AMBRA1: variants seen among roughly 807,000 people sequenced by gnomAD.
AMBRA1 encodes the protein autophagy and beclin 1 regulator 1.
A neutral mutation model predicts 125.4 loss-of-function variants in AMBRA1; 47 were observed. The observed-to-expected ratio is 0.37, with a 90% CI of 0.30 to 0.48. The LOEUF (loss-of-function observed/expected upper bound fraction) is 0.48. Ranked by LOEUF, AMBRA1 falls within the 20% of genes least tolerant of loss-of-function variation. The pLI, the probability that AMBRA1 is intolerant of heterozygous loss-of-function variation, is 0.99. For missense variants in AMBRA1, 1,331 were observed against 1,693.4 expected (o/e 0.79, Z 3.76); for synonymous variants, 626 against 655.5 (o/e 0.95, Z 0.69).
chr11:46,486,410 T>C (rs775849254), intron 11 of AMBRA1, among the ~76,000 whole-genome samples: 30 of 152,234 alleles, frequency 2.0e-4, no homozygotes, highest in Non-Finnish European at 3.7e-4. Context: ...ATCTGCTATA[T>C]AGTGATTAAG....
At position 46,436,118 on chromosome 11, in the gene AMBRA1, G is replaced by A. The variant is rs1044844772; in HGVS notation, c.2633-1081C>T. Among the ~76,000 whole-genome samples the A allele has an allele frequency of 3.3e-5, 5 of 152,328 alleles. No individual in the cohort carries two copies. In the East Asian group the frequency reaches 7.7e-4, roughly 23 times the overall value. On this transcript the variant is annotated intron_variant, in intron 12 of 17. Coordinates refer to ENST00000683756, the MANE Select transcript of AMBRA1 (RefSeq NM_001387011.1). ...TTGAAGGAGATGTCCACTGTCAGAG[G>A]CATTGTGGTAATTTTTTAAAAGCCA...
In AMBRA1 at chr11:46,508,210, A is replaced by C. The variant is rs753774348; in HGVS notation, c.2320T>G (p.Leu774Val). 2.5e-6 allele frequency: 4 copies of C among 1,614,170 alleles called. No individual in the cohort carries two copies. The highest frequency in any genetic ancestry group is 3.4e-6 in the Non-Finnish European group (4 of 1,179,996). Reference sequence around the variant, plus strand: ...ACTTACTCAAAGTCCTCAAATTCCAAGTCGGTTCCCTCTACTGATGGACCC... The same window carrying C: ...ACTTACTCAAAGTCCTCAAATTCCACGTCGGTTCCCTCTACTGATGGACCC... ...NQGPSVEGTDLEFEDFEDNGD... is the reference protein window; with the variant it reads ...NQGPSVEGTDVEFEDFEDNGD... The change falls in exon 9 of 18, where the codon TTG becomes GTG. Residue 774 changes from leucine to valine, a missense_variant. This residue lies in a region of AMBRA1 where 689 missense variants were observed against 776.5 expected (regional missense o/e 0.89). Coordinates refer to ENST00000683756, the MANE Select transcript of AMBRA1 (RefSeq NM_001387011.1).
chr11:46,428,585 TCTTC>T lies in AMBRA1; in HGVS notation c.2976+4885_2976+4888del, dbSNP rs1014785204. On this transcript the variant is annotated intron_variant, in intron 14 of 17. Transcript: ENST00000683756. ...GAGGATCTTTTCCACTTCTTCTTCT[TCTTC>T]TTCTTTTTTTTTTAAGGTTTTTTGG... is the stretch of plus-strand genomic sequence containing the variant. 5.4e-5 allele frequency: 66 copies of T among 1,221,934 alleles called. No homozygotes were observed. The African/African-American group carries it at 7.6e-4, about 14-fold the overall frequency. 75.7% of individuals were successfully genotyped at this position (1,221,934 alleles called of 1,614,324 possible).
chr11:46,490,759 G>A (rs1161596448), intron 11 of AMBRA1, among the ~76,000 whole-genome samples: 1 of 152,146 alleles, frequency 6.6e-6, no homozygotes, highest in Admixed American at 6.5e-5. Context: ...TAACCACCTA[G>A]ACTTGGAGCT....
intron 11 of AMBRA1, among the ~76,000 whole-genome samples, chr11:46,482,976 TC>T (rs1352958620): frequency 2.1e-5 from 3 of 143,038 alleles, no homozygotes; most frequent in Non-Finnish European, 4.5e-5. Context: ...GCCATTGCAC[TC>T]CAGCCTGGGT....
intron 7 of AMBRA1, among the ~76,000 whole-genome samples, chr11:46,516,712 C>T (rs897132636): frequency 6.6e-6 from 1 of 152,082 alleles, no homozygotes; most frequent in Non-Finnish European, 1.5e-5. Flanking sequence ...GGATTACAGG[C>T]GTGACCCACT....
chr11:46,408,791 A>G, intron 16 of AMBRA1, 85 bp from the exon 17 acceptor site: 1 of 1,337,092 alleles, frequency 7.5e-7, no homozygotes, highest in East Asian at 2.6e-5. Context: ...GCCAATCCTC[A>G]GGGCAGTGTG....
intron 11 of AMBRA1, among the ~76,000 whole-genome samples, chr11:46,474,676 C>T (rs137870297): frequency 1.2e-3 from 186 of 152,302 alleles, no homozygotes; most frequent in African/African-American, 4.3e-3. Flanking sequence ...GCGTAAGCCA[C>T]GGCACCTGGC....
chr11:46,566,482 C>T (rs914354545), intron 1 of AMBRA1, among the ~76,000 whole-genome samples: 4 of 151,748 alleles, frequency 2.6e-5, no homozygotes, highest in African/African-American at 9.7e-5. Flanking sequence ...GAGAATTATG[C>T]TGAGTGAAAA....
At chr11:46,441,723 C>A (rs1291034536) in intron 12 of AMBRA1, among the ~76,000 whole-genome samples, 2 of 152,070 alleles carry the variant, frequency 1.3e-5, no homozygotes, top group Non-Finnish European at 2.9e-5. Context: ...CTGCCCTCCT[C>A]CACTGAAAGT....
chr11:46,542,653 T>C lies in AMBRA1; in HGVS notation c.1364A>G (p.Glu455Gly). 6.2e-7 allele frequency: 1 copy of C among 1,614,172 alleles called. No homozygotes were observed. The highest frequency in any genetic ancestry group is 8.5e-7 in the Non-Finnish European group (1 of 1,180,014). ...VSLLSVLRQQ[E>G]GGSQASVYTS... ...GTACACAGATGCCTGAGAGCCACCT[T>C]CCTGCTGTCTCAGCACAGACAGCAA... Residue 455 changes from glutamate (E) to glycine (G), a missense_variant, in exon 7 of 18, where the codon GAA (glutamate) becomes GGA (glycine). This residue lies in a region of AMBRA1 where 689 missense variants were observed against 776.5 expected (regional missense o/e 0.89). Transcript: ENST00000683756. This position sits in a 1 kb window ranked among gnomAD's most constrained non-coding sequence, Gnocchi z 5.9.
At chr11:46,539,221 T>A (rs1413691259) in intron 7 of AMBRA1, among the ~76,000 whole-genome samples, 1 of 152,106 alleles carries the variant, frequency 6.6e-6, no homozygotes, top group Non-Finnish European at 1.5e-5. Flanking sequence ...GTTTGAAGAT[T>A]TCCATAATAA....
intron 9 of AMBRA1, among the ~76,000 whole-genome samples, chr11:46,498,950 C>T (rs1300382485): frequency 6.6e-6 from 1 of 152,212 alleles, no homozygotes; most frequent in Admixed American, 6.5e-5. Flanking sequence ...AACTCATTTC[C>T]TTACTGGAGT....
At chr11:46,548,073 G>T (rs141721301) in intron 2 of AMBRA1, among the ~76,000 whole-genome samples, 173 bp downstream of exon 2, 1 of 152,178 alleles carries the variant, frequency 6.6e-6, no homozygotes, top group East Asian at 1.9e-4. Context: ...AAAGGAAAAA[G>T]ATATTTCTAG....
intron 12 of AMBRA1, among the ~76,000 whole-genome samples, chr11:46,438,600 C>T (rs1947844422): frequency 6.6e-6 from 1 of 152,172 alleles, no homozygotes; most frequent in Non-Finnish European, 1.5e-5. Flanking sequence ...TCTGAGCCCC[C>T]TGGATTTCAG....
chr11:46,517,490 T>G (rs1161140322), intron 7 of AMBRA1, among the ~76,000 whole-genome samples: 2 of 144,960 alleles, frequency 1.4e-5, no homozygotes, highest in Non-Finnish European at 3.0e-5. Context: ...TTTTTTTTTT[T>G]TTTTTTTAAG....
intron 4 of AMBRA1, chr11:46,546,096 C>A: frequency 5.3e-6 from 1 of 188,962 alleles, no homozygotes; most frequent in Non-Finnish European, 1.1e-5. Context: ...AGTGCAGTGG[C>A]ACAATCTCAG....
chr11:46,559,596 C>T (rs1317130868), intron 1 of AMBRA1, among the ~76,000 whole-genome samples: 1 of 152,158 alleles, frequency 6.6e-6, no homozygotes, highest in Non-Finnish European at 1.5e-5. Flanking sequence ...GGATATTACA[C>T]CTTTCGAGCT....
chr11:46,505,689 C>T (rs988076024), intron 9 of AMBRA1, among the ~76,000 whole-genome samples: 12 of 128,526 alleles, frequency 9.3e-5, no homozygotes, highest in African/African-American at 3.3e-4. Flanking sequence ...TGGGGGAGAG[C>T]GCACAGGTGG....
Sources: gnomAD v4.1 joint callset for allele counts (sites outside exome capture counted in the v4.1 genomes callset) on GRCh38, gnomAD v4.1.1 for gene constraint, gnomAD v4.1.1 regional missense constraint, Gnocchi (gnomAD v3.1) non-coding constraint, MANE v1.5 for transcripts, NCBI Gene and HGNC (gene_info 2026-07-23, HGNC 2026-07-21) for gene names.